Variants in ELP4 observed in about 807,000 individuals in gnomAD.
The protein encoded by ELP4 is elongator complex protein 4.
A neutral mutation model predicts 48.9 loss-of-function variants in ELP4; 51 were observed. That is an observed-to-expected ratio of 1.04 (90% CI 0.83 to 1.32). The LOEUF is 1.32. Among genes scored for constraint, ELP4 ranks in the 40% most tolerant of loss-of-function variants. ELP4 has a pLI of 0.00. For synonymous variants in ELP4, 210 were observed against 189.2 expected (o/e 1.11, Z -0.90); for missense variants, 519 against 514.6 (o/e 1.01, Z -0.08).
At chr11:31,582,546 T>C (rs1176664400) in intron 3 of ELP4, among the ~76,000 whole-genome samples, 2 of 152,226 alleles carry the variant, frequency 1.3e-5, no homozygotes, top group African/African-American at 4.8e-5. Context: ...TGAGACTTTT[T>C]TTCTGCTCCT....
At chr11:31,620,280 G>A (rs889091451) in intron 5 of ELP4, among the ~76,000 whole-genome samples, 4 of 151,978 alleles carry the variant, frequency 2.6e-5, no homozygotes, top group African/African-American at 7.2e-5. Flanking sequence ...CAAAGCAAGA[G>A]AAGAGCAAGG....
At chr11:31,645,937 A>G (rs189199096) in intron 7 of ELP4, 2 of 143,150 alleles carry the variant, frequency 1.4e-5, no homozygotes, top group South Asian at 2.1e-4. Context: ...AAGTTGACTC[A>G]TTGTGAACTG....
chr11:31,707,743 G>A (rs1330136980), intron 9 of ELP4, among the ~76,000 whole-genome samples: 1 of 152,106 alleles, frequency 6.6e-6, no homozygotes, highest in African/African-American at 2.4e-5. Flanking sequence ...AGCAATACTG[G>A]TTCCTTCTGG....
intron 2 of ELP4, 135 bp from the exon 3 acceptor site, chr11:31,539,527 C>T (rs564424627): frequency 4.9e-5 from 36 of 735,858 alleles, no homozygotes; most frequent in Non-Finnish European, 5.8e-5. Flanking sequence ...CTCAGGAATA[C>T]GCAGTTTTTG....
chr11:31,608,640 T>C (rs1957922276), intron 5 of ELP4, among the ~76,000 whole-genome samples: 4 of 151,768 alleles, frequency 2.6e-5, no homozygotes, highest in Admixed American at 2.6e-4. Context: ...GGAGGGACTC[T>C]GGTTGCGGTG....
chr11:31,749,242 GGC>G (rs1947665722), intron 9 of ELP4, among the ~76,000 whole-genome samples: 1 of 152,194 alleles, frequency 6.6e-6, no homozygotes, highest in Non-Finnish European at 1.5e-5. Flanking sequence ...TATTCATGGA[GGC>G]AGAGAAAAGT....
At chr11:31,554,654 A>G (rs1046480376) in intron 3 of ELP4, among the ~76,000 whole-genome samples, 2 of 152,104 alleles carry the variant, frequency 1.3e-5, no homozygotes, top group African/African-American at 4.8e-5. Context: ...TATAGTCACT[A>G]TACTGTACAT....
chr11:31,614,151 A>G lies in ELP4; in HGVS notation c.653+10244A>G, dbSNP rs540320907. ...AGAGTTAAAGAGATAAATATAATAA[A>G]TGAAATTATTAAAATAATCGCAGAA... On this transcript the variant is annotated intron_variant, in intron 5 of 9. Transcript: ENST00000640961. Among the ~76,000 whole-genome samples, 11 of 152,342 alleles carry G rather than the reference A, an allele frequency of 7.2e-5. No individual in the cohort carries two copies. The South Asian group carries it at 2.3e-3, about 32-fold the overall frequency.
At chr11:31,519,802 C>T (rs1247716508) in intron 1 of ELP4, among the ~76,000 whole-genome samples, 1 of 145,916 alleles carries the variant, frequency 6.9e-6, no homozygotes, top group Non-Finnish European at 1.5e-5. Flanking sequence ...TGCACTCCAG[C>T]GTGATCAACA....
chr11:31,509,839 G>A lies in ELP4; in HGVS notation c.55G>A (p.Ala19Thr), dbSNP rs1955946462. 1 of 1,614,180 alleles carries A rather than the reference G, an allele frequency of 6.2e-7. No homozygotes were observed. The highest frequency in any genetic ancestry group is 8.5e-7 in the Non-Finnish European group (1 of 1,180,030). Residue 19 changes from alanine to threonine, a missense_variant, in exon 1 of 10, where the codon GCG (alanine) becomes ACG (threonine). Transcript: ENST00000640961. ...SVAASTGSAV[A>T]TASKSNVTSF... ...TGCCGCGAGTACTGGGTCTGCAGTG[G>A]CGACAGCCAGCAAGAGCAACGTCAC... is the stretch of plus-strand genomic sequence containing the variant.
intron 9 of ELP4, among the ~76,000 whole-genome samples, chr11:31,730,637 C>T (rs1368700027): frequency 6.6e-6 from 1 of 152,074 alleles, no homozygotes; most frequent in East Asian, 1.9e-4. Context: ...GCCTGGCATA[C>T]TCTAGATGCA....
intron 5 of ELP4, among the ~76,000 whole-genome samples, chr11:31,615,698 A>G (rs1332918205): frequency 6.6e-6 from 1 of 151,916 alleles, no homozygotes; most frequent in Non-Finnish European, 1.5e-5. Flanking sequence ...GCTATATTTC[A>G]TGTTTCTCAC....
intron 1 of ELP4, among the ~76,000 whole-genome samples, chr11:31,513,734 A>G (rs1312514167): frequency 6.6e-6 from 1 of 152,198 alleles, no homozygotes; most frequent in Non-Finnish European, 1.5e-5. Context: ...AAATATTAAT[A>G]GTACTAATGT....
At chr11:31,730,315 C>G (rs1175175654) in intron 9 of ELP4, among the ~76,000 whole-genome samples, 7 of 152,112 alleles carry the variant, frequency 4.6e-5, no homozygotes, top group Non-Finnish European at 8.8e-5. Context: ...GAAGGCCTGT[C>G]TAGGTGTTCT....
intron 9 of ELP4, among the ~76,000 whole-genome samples, chr11:31,758,563 T>C (rs1424610932): frequency 6.6e-6 from 1 of 152,194 alleles, no homozygotes; most frequent in African/African-American, 2.4e-5. Context: ...CCAAGTTTTG[T>C]CAGATAGTAT....
intron 9 of ELP4, among the ~76,000 whole-genome samples, chr11:31,662,020 C>T (rs185165529): frequency 1.9e-3 from 293 of 152,104 alleles, no homozygotes; most frequent in African/African-American, 6.7e-3. Context: ...TTGAAGCTGA[C>T]AAATTCCAAT....
intron 3 of ELP4, among the ~76,000 whole-genome samples, chr11:31,562,657 A>T (rs1051259690): frequency 6.6e-5 from 10 of 152,164 alleles, no homozygotes; most frequent in African/African-American, 2.4e-4. Context: ...TGATATTGCC[A>T]CTTTTATATT....
At chr11:31,780,738 C>T (rs371972583) in intron 9 of ELP4, 2 of 152,208 alleles carry the variant, frequency 1.3e-5, no homozygotes, top group South Asian at 2.1e-4. Context: ...CCAAGAAATG[C>T]TGAGCCAGTC....
chr11:31,663,128 A>G (rs1232200), intron 9 of ELP4: 1 of 151,804 alleles, frequency 6.6e-6, no homozygotes, highest in Non-Finnish European at 1.5e-5. Context: ...ATAAATATAT[A>G]TTAGTTTTCA....
Sources: gnomAD v4.1 joint callset for allele counts (sites outside exome capture counted in the v4.1 genomes callset) on GRCh38, gnomAD v4.1.1 for gene constraint, MANE v1.5 for transcripts, NCBI Gene and HGNC (gene_info 2026-07-23, HGNC 2026-07-21) for gene names.